GAK: variants seen among roughly 807,000 people sequenced by gnomAD.
The protein encoded by GAK is cyclin G associated kinase.
In GAK, 79 loss-of-function variants were observed where a neutral mutation model predicts 143.9. The ratio of observed to expected loss-of-function variants is 0.55; its 90% CI spans 0.46 to 0.66. GAK has a LOEUF of 0.66. GAK is among the 30% of genes least tolerant of loss of function. The pLI is 0.00. For missense variants in GAK, 1,693 were observed against 1,779.7 expected, an observed-to-expected ratio of 0.95 and a Z score of 0.88; for synonymous variants, 881 against 765.5, an observed-to-expected ratio of 1.15 and a Z score of -2.49.
At chr4:889,012 C>T in intron 10 of GAK, 42 bp from the exon 11 acceptor site, 2 of 1,584,374 alleles carry the variant, frequency 1.3e-6, no homozygotes, top group Non-Finnish European at 1.7e-6. Context: ...GGTGCTCGGT[C>T]CCACCTCCCC....
At chr4:917,402 A>T (rs1723244996) in intron 1 of GAK, among the ~76,000 whole-genome samples, 1 of 152,230 alleles carries the variant, frequency 6.6e-6, no homozygotes, top group Non-Finnish European at 1.5e-5. Context: ...AAATGGATCT[A>T]TAGTAACAGA....
Position 851,871 on chromosome 4 carries a change from G to A in GAK, c.3387C>T (p.Ala1129=), listed in dbSNP as rs367691274. Residue 1129 remains alanine (A), a synonymous_variant, in exon 25 of 28, where the codon GCC becomes GCT. Transcript: ENST00000314167. ...GCGGCTTGGCCTGAGGGGGCCATGA[G>A]GCGCCCTGGGCTGGCGGCCGACTTG... ...WQTSRPPAQG[A]SWPPQAKPPP... 1 of 1,609,150 alleles carries A rather than the reference G, an allele frequency of 6.2e-7. No homozygotes were observed. Among genetic ancestry groups the A allele is most frequent in the Non-Finnish European group, 8.5e-7 (1 of 1,176,926 alleles).
At chr4:914,975 G>C (rs112333492) in intron 1 of GAK, among the ~76,000 whole-genome samples, 27,423 of 60,554 alleles carry the variant, frequency 0.45, 4,792 homozygotes, top group Non-Finnish European at 0.48. Flanking sequence ...ACACACACAG[G>C]TCCAGCGTAC....
chr4:914,569 A>C (rs1392684105), intron 1 of GAK, among the ~76,000 whole-genome samples: 9 of 97,086 alleles, frequency 9.3e-5, no homozygotes, highest in South Asian at 8.0e-4. Flanking sequence ...ACGGCCCCCC[A>C]CACACAGCCC....
chr4:907,471 G>A (rs1054419419), intron 4 of GAK, among the ~76,000 whole-genome samples: 3 of 152,244 alleles, frequency 2.0e-5, no homozygotes, highest in African/African-American at 7.2e-5. Flanking sequence ...GAGTCAGAGT[G>A]GGGGTGACTT....
intron 7 of GAK, 120 bp from the exon 8 acceptor site, chr4:894,129 C>A: frequency 8.2e-7 from 1 of 1,213,658 alleles, no homozygotes; most frequent in Non-Finnish European, 1.1e-6. Flanking sequence ...GACATCGGAG[C>A]CGTGGGGAGC....
chr4:891,772 G>C (rs902754638), intron 9 of GAK, among the ~76,000 whole-genome samples: 1 of 152,126 alleles, frequency 6.6e-6, no homozygotes, highest in African/African-American at 2.4e-5. Flanking sequence ...TTTCTGTAAA[G>C]AGCCACCAAG....
At chr4:868,469 C>G (rs1417024305) in intron 20 of GAK, 70 bp downstream of exon 20, 8 of 1,542,630 alleles carry the variant, frequency 5.2e-6, no homozygotes, top group Non-Finnish European at 6.1e-6. Context: ...GACGCTTGCC[C>G]TGCCCCAGGG....
intron 18 of GAK, among the ~76,000 whole-genome samples, chr4:871,168 G>A (rs2152766729): frequency 1.3e-5 from 2 of 152,384 alleles, no homozygotes; most frequent in Non-Finnish European, 2.9e-5. Context: ...GGACGTCACA[G>A]TGGGGATGCC....
chr4:920,230 C>A (rs1046040144), intron 1 of GAK, among the ~76,000 whole-genome samples: 3 of 151,674 alleles, frequency 2.0e-5, no homozygotes, highest in Non-Finnish European at 4.4e-5. Flanking sequence ...ATGGCATGAA[C>A]CCGGGAGGCG....
At chr4:889,312 G>A (rs908719418) in intron 10 of GAK, among the ~76,000 whole-genome samples, 3 of 152,248 alleles carry the variant, frequency 2.0e-5, no homozygotes, top group Non-Finnish European at 4.4e-5. Context: ...CTCTGTCTGT[G>A]GGGATAGTCC....
intron 10 of GAK, 113 bp from the exon 11 acceptor site, chr4:889,083 C>G (rs915026743): frequency 7.6e-7 from 1 of 1,311,404 alleles, no homozygotes; most frequent in Non-Finnish European, 1.0e-6. Flanking sequence ...CCCAGGCGCT[C>G]GGTCCCACCT....
At chr4:857,330 C>G (rs189681050) in intron 24 of GAK, among the ~76,000 whole-genome samples, 1 of 152,144 alleles carries the variant, frequency 6.6e-6, no homozygotes, top group African/African-American at 2.4e-5. Flanking sequence ...GTATGAGCTT[C>G]GTAAAATCAA....
intron 4 of GAK, among the ~76,000 whole-genome samples, chr4:907,918 G>T (rs944583535): frequency 1.3e-5 from 2 of 152,134 alleles, no homozygotes; most frequent in Non-Finnish European, 1.5e-5. Context: ...GACTTGAGGG[G>T]CTGGGCCCGG....
intron 5 of GAK, among the ~76,000 whole-genome samples, chr4:898,945 C>G (rs1194582899): frequency 6.6e-6 from 1 of 152,184 alleles, no homozygotes; most frequent in Non-Finnish European, 1.5e-5. Context: ...TCTGGCGCAG[C>G]TCTGATAACA....
chr4:858,072 C>G (rs1368384558), intron 24 of GAK, among the ~76,000 whole-genome samples: 19 of 152,296 alleles, frequency 1.2e-4, no homozygotes. Flanking sequence ...TGTGGTCAGA[C>G]GGCATGCTGC....
chr4:907,553 A>C (rs1457163745), intron 4 of GAK, among the ~76,000 whole-genome samples: 1 of 152,238 alleles, frequency 6.6e-6, no homozygotes, highest in Non-Finnish European at 1.5e-5. Flanking sequence ...TCAGTGCCTC[A>C]TTCTCAGTGA....
At chr4:865,769 A>G (rs3775134) in intron 22 of GAK, among the ~76,000 whole-genome samples, 99,822 of 152,160 alleles carry the variant, frequency 0.66, 33,038 homozygotes, top group East Asian at 0.84. Context: ...ACCCCAGAGT[A>G]CGCCGTGGAC....
At chr4:859,474 T>C (rs1749891190) in intron 24 of GAK, 132 bp downstream of exon 24, 1 of 1,602,286 alleles carries the variant, frequency 6.2e-7, no homozygotes, top group Non-Finnish European at 8.5e-7. Context: ...TTGGGCTCAC[T>C]GTGCTCTGGG....
Sources: allele counts gnomAD v4.1 joint callset (sites outside exome capture counted in the v4.1 genomes callset), GRCh38; gene constraint gnomAD v4.1.1; transcripts MANE v1.5; gene names NCBI Gene and HGNC (gene_info 2026-07-23, HGNC 2026-07-21).